KDM6A: variants seen among roughly 807,000 people sequenced by gnomAD.
KDM6A encodes the protein lysine demethylase 6A.
A neutral mutation model predicts 117.6 loss-of-function variants in KDM6A; 11 were observed. That is an observed-to-expected ratio of 0.09 (90% CI 0.06 to 0.15). The LOEUF (loss-of-function observed/expected upper bound fraction) is 0.15, where lower values mean the gene tolerates loss of function less well. Among genes scored for constraint, KDM6A ranks in the 10% least tolerant of loss-of-function variants. KDM6A has a pLI of 1.00. For missense variants in KDM6A, 799 were observed against 1,077.3 expected (o/e 0.74, Z 3.62); for synonymous variants, 384 against 396.1 (o/e 0.97, Z 0.36).
chrX:44,911,124 G>T, intron 2 of KDM6A, among the ~76,000 whole-genome samples: 1 of 106,987 alleles, frequency 9.3e-6, no homozygotes, highest in South Asian at 4.2e-4. Context: ...CCGGGCGGGG[G>T]CTGGCCCCCA....
intron 2 of KDM6A, among the ~76,000 whole-genome samples, chrX:44,874,568 T>C (rs919416866): frequency 5.4e-5 from 6 of 111,621 alleles, no homozygotes; most frequent in Admixed American, 4.8e-4. Context: ...GTTTACTTTT[T>C]GGGTCTTTTT....
chrX:44,960,485 A>G (rs946891765), intron 2 of KDM6A, among the ~76,000 whole-genome samples: 3 of 111,561 alleles, frequency 2.7e-5, no homozygotes, highest in African/African-American at 9.8e-5. Context: ...TAATCCTTTT[A>G]TCAGCTCTTT....
intron 2 of KDM6A, among the ~76,000 whole-genome samples, chrX:44,939,517 C>T (rs1279276773): frequency 8.9e-6 from 1 of 112,151 alleles, no homozygotes; most frequent in Admixed American, 9.5e-5. Context: ...ATGGAACTCA[C>T]TCCTGGTGAA....
At position 45,089,131 on chromosome X, in the gene KDM6A, T is replaced by C. The variant is rs113786095; in HGVS notation, c.3705-612T>C. Among the ~76,000 whole-genome samples, 337 of 111,995 alleles carry C rather than the reference T, an allele frequency of 3.0e-3. 1 individual carries two copies. Among genetic ancestry groups the C allele is most frequent in the Middle Eastern group, 0.014 (3 of 217 alleles). The stretch of plus-strand genomic sequence containing the variant: ...CCAGGGAGAAGGCTTCAGTCAAAAA[T>C]AGTCTTTGTTGAAATGAAATTGAAA... On this transcript the variant is annotated intron_variant, in intron 25 of 29. Coordinates refer to ENST00000611820, the MANE Select transcript of KDM6A (RefSeq NM_001291415.2).
intron 27 of KDM6A, among the ~76,000 whole-genome samples, chrX:45,095,140 G>A (rs771201572): frequency 1.8e-5 from 2 of 110,718 alleles, no homozygotes; most frequent in South Asian, 3.9e-4. Context: ...TTAATAAATC[G>A]GGCTCAGTAC....
chrX:44,992,571 G>A lies in KDM6A; in HGVS notation c.384+17856G>A, dbSNP rs183608174. On this transcript the variant is annotated intron_variant, in intron 4 of 29. Transcript: ENST00000611820. ...CAAAGATGCACTTTTTTTTTTTTGA[G>A]ATGGAATCTCACTCTGTTTCCCAGG... Among the ~76,000 whole-genome samples, 88 of 104,889 alleles carry A rather than the reference G, an allele frequency of 8.4e-4. 3 individuals are homozygous for A. In the East Asian group the frequency reaches 0.014, roughly 17 times the overall value. 91.1% of individuals were successfully genotyped at this position (104,889 alleles called of 115,157 possible).
intron 27 of KDM6A, among the ~76,000 whole-genome samples, chrX:45,096,613 T>G (rs143346021): frequency 8.9e-6 from 1 of 111,981 alleles, no homozygotes; most frequent in African/African-American, 3.2e-5. Context: ...TTAGACTAAA[T>G]GTGTTTTGGA....
At chrX:45,023,440 C>A (rs769851994) in intron 6 of KDM6A, among the ~76,000 whole-genome samples, 1 of 111,496 alleles carries the variant, frequency 9.0e-6, no homozygotes, top group Non-Finnish European at 1.9e-5. Context: ...AAATGTGTCT[C>A]TGAAATTCTG....
chrX:44,917,068 C>A (rs2035609550), intron 2 of KDM6A, among the ~76,000 whole-genome samples: 1 of 104,256 alleles, frequency 9.6e-6, no homozygotes, highest in South Asian at 4.5e-4. Context: ...GCTCTGTTGC[C>A]AGGCTAGAGT....
At chrX:44,935,173 T>C (rs1432668828) in intron 2 of KDM6A, among the ~76,000 whole-genome samples, 1 of 111,793 alleles carries the variant, frequency 8.9e-6, no homozygotes, top group African/African-American at 3.3e-5. Context: ...AATGCATACA[T>C]ATGTACACCT....
At chrX:45,102,493 T>C (rs969829321) in intron 27 of KDM6A, among the ~76,000 whole-genome samples, 1 of 111,880 alleles carries the variant, frequency 8.9e-6, no homozygotes, top group Non-Finnish European at 1.9e-5. Flanking sequence ...TATGGTGTTA[T>C]ACAACTCTTT....
At chrX:45,059,136 A>C in intron 11 of KDM6A, 32 bp downstream of exon 11, 1 of 1,178,836 alleles carries the variant, frequency 8.5e-7, no homozygotes, top group Non-Finnish European at 1.2e-6. Flanking sequence ...GTAGTAATTT[A>C]ATTGATATAC....
At chrX:44,977,720 C>G (rs756617157) in intron 4 of KDM6A, among the ~76,000 whole-genome samples, 64 of 112,107 alleles carry the variant, frequency 5.7e-4, no homozygotes, top group African/African-American at 2.0e-3. Context: ...TAATCAAGAA[C>G]CTTTTTGTCA....
intron 2 of KDM6A, among the ~76,000 whole-genome samples, chrX:44,920,947 T>C (rs1280393234): frequency 9.6e-6 from 1 of 103,753 alleles, no homozygotes; most frequent in African/African-American, 3.6e-5. Context: ...TGATTTCGGC[T>C]CGCTGCAACC....
intron 21 of KDM6A, among the ~76,000 whole-genome samples, chrX:45,081,656 T>G (rs2045409898): frequency 8.9e-6 from 1 of 112,386 alleles, no homozygotes; most frequent in Admixed American, 9.4e-5. Flanking sequence ...TCAGCTTTCC[T>G]CAAGTTTTCT....
intron 17 of KDM6A, among the ~76,000 whole-genome samples, chrX:45,065,800 GAGA>G (rs1308999313): frequency 1.8e-5 from 2 of 112,195 alleles, no homozygotes; most frequent in Non-Finnish European, 3.8e-5. Context: ...AGAACTAGCA[GAGA>G]AGAATAGAAG....
At chrX:44,939,478 T>C (rs1309361355) in intron 2 of KDM6A, among the ~76,000 whole-genome samples, 1 of 112,265 alleles carries the variant, frequency 8.9e-6, no homozygotes, top group Non-Finnish European at 1.9e-5. Flanking sequence ...TTGCTTCTTA[T>C]GGATGAGCAA....
intron 3 of KDM6A, among the ~76,000 whole-genome samples, chrX:44,965,748 G>A (rs1023601855): frequency 8.9e-6 from 1 of 112,214 alleles, no homozygotes; most frequent in Non-Finnish European, 1.9e-5. Context: ...TGGAATATTG[G>A]TTTACCAAAA....
At position 45,076,826 on chromosome X, in the gene KDM6A, C is replaced by T. The variant is rs370510476; in HGVS notation, c.2988C>T (p.Tyr996=). The T allele has an allele frequency of 1.6e-5, 19 of 1,196,739 alleles. No individual in the cohort carries two copies. The highest frequency in any genetic ancestry group is 3.6e-5 in the South Asian group (2 of 56,337). ...TGAATCCACCTACACCTAGTATTTA[C>T]GTGAGTCTGAATTGACTGACTAGAA... ...DKLNPPTPSI[Y]LENKRDAFFP... The change falls in exon 19 of 30, where the codon TAC becomes TAT. Residue 996 remains tyrosine, a splice_region_variant and synonymous_variant. Coordinates refer to ENST00000611820, the MANE Select transcript of KDM6A (RefSeq NM_001291415.2).
Sources: gnomAD v4.1 joint callset for allele counts (sites outside exome capture counted in the v4.1 genomes callset) on GRCh38, gnomAD v4.1.1 for gene constraint, MANE v1.5 for transcripts, NCBI Gene and HGNC (gene_info 2026-07-23, HGNC 2026-07-21) for gene names.